The following CASS4 variants were observed in gnomAD, a reference collection of about 807,000 sequenced individuals.
CASS4 encodes Cas scaffold protein family member 4, also known as cas scaffolding protein family member 4.
CASS4 carries 22 observed loss-of-function variants against 54.2 expected under a neutral mutation model. That is an observed-to-expected ratio of 0.41 (90% CI 0.29 to 0.58). The LOEUF (loss-of-function observed/expected upper bound fraction) is 0.58, where lower values mean the gene tolerates loss of function less well. Ranked by LOEUF, CASS4 falls within the 20% of genes least tolerant of loss-of-function variation. CASS4 has a pLI of 0.36. For synonymous variants in CASS4, 409 were observed against 391.5 expected, an observed-to-expected ratio of 1.04 and a Z score of -0.53; for missense variants, 854 against 986.7, an observed-to-expected ratio of 0.87 and a Z score of 1.80.
chr20:56,418,977 A>G (rs1000952322), intron 1 of CASS4, among the ~76,000 whole-genome samples: 14 of 152,310 alleles, frequency 9.2e-5, no homozygotes, highest in African/African-American at 3.1e-4. Flanking sequence ...GTCTTTGAAC[A>G]TTTTATTTCC....
At chr20:56,444,418 G>A (rs762905640) in intron 2 of CASS4, among the ~76,000 whole-genome samples, 16 of 152,132 alleles carry the variant, frequency 1.1e-4, no homozygotes, top group Non-Finnish European at 2.2e-4. Context: ...GCTTCACCCT[G>A]TCCTCTCCTC....
At chr20:56,443,962 T>G (rs1980585961) in intron 2 of CASS4, among the ~76,000 whole-genome samples, 1 of 152,196 alleles carries the variant, frequency 6.6e-6, no homozygotes, top group Admixed American at 6.5e-5. Context: ...GGAACCAAGT[T>G]TCTCAGGGAG....
intron 5 of CASS4, among the ~76,000 whole-genome samples, chr20:56,454,664 T>A (rs1335226136): frequency 6.6e-6 from 1 of 152,206 alleles, no homozygotes; most frequent in Non-Finnish European, 1.5e-5. Flanking sequence ...TTTCAGACAT[T>A]GCCTAACTTA....
chr20:56,444,511 A>G (rs1980614893), intron 2 of CASS4, among the ~76,000 whole-genome samples: 1 of 152,202 alleles, frequency 6.6e-6, no homozygotes, highest in African/African-American at 2.4e-5. Flanking sequence ...CGTGGTAGAC[A>G]GCATCTTCTA....
intron 1 of CASS4, among the ~76,000 whole-genome samples, chr20:56,436,909 A>G (rs530279249): frequency 5.3e-5 from 8 of 152,278 alleles, no homozygotes; most frequent in Admixed American, 1.3e-4. Context: ...AAACAGGGCC[A>G]TGAAAGCATA....
At chr20:56,416,585 T>C (rs1037855600) in intron 1 of CASS4, among the ~76,000 whole-genome samples, 2 of 152,064 alleles carry the variant, frequency 1.3e-5, no homozygotes, top group African/African-American at 4.8e-5. Flanking sequence ...ACAGGTAATA[T>C]TGAAATTAGC....
chr20:56,415,473 C>G (rs950189316), intron 1 of CASS4, among the ~76,000 whole-genome samples: 3 of 152,192 alleles, frequency 2.0e-5, no homozygotes, highest in African/African-American at 4.8e-5. Context: ...AGGTTTTACA[C>G]AAATAGGAGC....
intron 1 of CASS4, among the ~76,000 whole-genome samples, chr20:56,421,244 A>G (rs1192828870): frequency 6.6e-6 from 1 of 152,254 alleles, no homozygotes; most frequent in African/African-American, 2.4e-5. Flanking sequence ...GCATTCAAAC[A>G]AACTAAAACT....
chr20:56,413,165 C>T (rs1253901604), intron 1 of CASS4, among the ~76,000 whole-genome samples: 3 of 146,958 alleles, frequency 2.0e-5, no homozygotes, highest in Non-Finnish European at 3.0e-5. Context: ...AGCGAGACCC[C>T]ATCTTAAAAA....
chr20:56,455,856 G>A (rs1335532994), intron 5 of CASS4, among the ~76,000 whole-genome samples: 12 of 152,176 alleles, frequency 7.9e-5, no homozygotes, highest in East Asian at 1.9e-4. Flanking sequence ...GCTTGAACCC[G>A]GAAAGCAGAG....
chr20:56,413,152 CAT>C (rs886911559), intron 1 of CASS4, among the ~76,000 whole-genome samples: 1 of 143,512 alleles, frequency 7.0e-6, no homozygotes, highest in Non-Finnish European at 1.5e-5. Context: ...GCCTGGGCAA[CAT>C]AGCGAGACCC....
intron 2 of CASS4, among the ~76,000 whole-genome samples, chr20:56,442,221 A>G (rs995900709): frequency 2.0e-5 from 3 of 151,758 alleles, no homozygotes; most frequent in African/African-American, 7.3e-5. Context: ...ATTTTTCTCA[A>G]GTTGTCCTAA....
rs555287088 is a variant in CASS4, at chr20:56,450,741, T to A, written c.642+62T>A. The A allele has an allele frequency of 4.6e-6, 7 of 1,529,932 alleles. No homozygotes were observed. The South Asian group carries it at 6.8e-5, about 15-fold the overall frequency. 94.8% of individuals were successfully genotyped at this position (1,529,932 alleles called of 1,614,324 possible). On this transcript the variant is annotated intron_variant, in intron 4 of 5. Coordinates refer to ENST00000679887, the MANE Select transcript of CASS4 (RefSeq NM_020356.4). ...ACACACAAAATCCTCTCAGAAATGT[T>A]ATTAGCTTGGGGCCAGGCACGGTGG...
intron 5 of CASS4, among the ~76,000 whole-genome samples, chr20:56,456,834 A>G (rs1981321476): frequency 6.6e-6 from 1 of 152,098 alleles, no homozygotes; most frequent in Admixed American, 6.5e-5. Flanking sequence ...CCGCACCGCC[A>G]TACCTGGCTA....
intron 1 of CASS4, among the ~76,000 whole-genome samples, chr20:56,413,758 T>C (rs1414586288): frequency 6.6e-6 from 1 of 151,622 alleles, no homozygotes; most frequent in Non-Finnish European, 1.5e-5. Flanking sequence ...ATAGATTATA[T>C]GTAAATATCT....
intron 2 of CASS4, among the ~76,000 whole-genome samples, chr20:56,443,325 G>A (rs966505782): frequency 4.0e-5 from 6 of 151,148 alleles, no homozygotes; most frequent in Admixed American, 6.6e-5. Context: ...AAAAAGTAGC[G>A]GGGTGTGGTG....
At chr20:56,433,670 G>C (rs1015551077) in intron 1 of CASS4, among the ~76,000 whole-genome samples, 2 of 152,214 alleles carry the variant, frequency 1.3e-5, no homozygotes, top group Non-Finnish European at 2.9e-5. Context: ...ACACCAGGAA[G>C]TACAGTCATT....
chr20:56,413,184 AG>A (rs200781135), intron 1 of CASS4, among the ~76,000 whole-genome samples: 165 of 150,372 alleles, frequency 1.1e-3, no homozygotes, highest in African/African-American at 3.0e-3. Context: ...AAAAAAAAAA[AG>A]AAAAGAAAAG....
chr20:56,445,717 C>T (rs915649621), intron 2 of CASS4, among the ~76,000 whole-genome samples, 183 bp from the exon 3 acceptor site: 8 of 152,292 alleles, frequency 5.3e-5, no homozygotes, highest in African/African-American at 4.8e-5. Context: ...CTGCCTCCAC[C>T]GGGGAGCCTC....
Sources: allele counts gnomAD v4.1 joint callset (sites outside exome capture counted in the v4.1 genomes callset), GRCh38; gene constraint gnomAD v4.1.1; transcripts MANE v1.5; gene names NCBI Gene and HGNC (gene_info 2026-07-23, HGNC 2026-07-21).